PPM1L: variants seen among roughly 807,000 people sequenced by gnomAD.
The protein encoded by PPM1L is protein phosphatase 1L.
Under a neutral mutation model 31.4 loss-of-function variants are expected in PPM1L, and 13 were observed. The observed-to-expected ratio is 0.41, with a 90% CI of 0.27 to 0.66. The LOEUF (loss-of-function observed/expected upper bound fraction) is 0.66, where lower values mean the gene tolerates loss of function less well. PPM1L is among the 30% of genes least tolerant of loss of function. The pLI is 0.29. For missense variants in PPM1L, 326 were observed against 453.7 expected (o/e 0.72, Z 2.56); for synonymous variants, 184 against 175.4 (o/e 1.05, Z -0.39).
chr3:160,917,592 G>A (rs1471102910), intron 1 of PPM1L, among the ~76,000 whole-genome samples: 1 of 152,130 alleles, frequency 6.6e-6, no homozygotes, highest in Non-Finnish European at 1.5e-5. Context: ...TCATAAGACT[G>A]GTTATTTGTT....
At chr3:161,006,694 T>C (rs1460475754) in intron 2 of PPM1L, among the ~76,000 whole-genome samples, 1 of 148,506 alleles carries the variant, frequency 6.7e-6, no homozygotes, top group African/African-American at 2.5e-5. Context: ...TTTTTTTTTT[T>C]TTTTTTGAGA....
At chr3:160,913,724 A>G (rs1330348302) in intron 1 of PPM1L, among the ~76,000 whole-genome samples, 1 of 152,176 alleles carries the variant, frequency 6.6e-6, no homozygotes, top group Non-Finnish European at 1.5e-5. Flanking sequence ...GTCGTTTTAT[A>G]TGTCAGTAGT....
At chr3:160,815,791 G>C (rs764952472) in intron 1 of PPM1L, among the ~76,000 whole-genome samples, 2 of 152,084 alleles carry the variant, frequency 1.3e-5, no homozygotes, top group Non-Finnish European at 2.9e-5. Context: ...ATAGATTTTT[G>C]CCAACATAAA....
At position 160,911,971 on chromosome 3, in the gene PPM1L, G is replaced by A. The variant is rs183820654; in HGVS notation, c.400-49765G>A. 3.9e-5 allele frequency among the ~76,000 whole-genome samples: 6 copies of A among 152,334 alleles called. No homozygotes were observed. The East Asian group carries it at 7.7e-4, about 20-fold the overall frequency. On this transcript the variant is annotated intron_variant, in intron 1 of 3. Transcript: ENST00000498165. The stretch of plus-strand genomic sequence containing the variant: ...GCATTCAAGAGAGAAAACAAGAGAA[G>A]CTGGTAGAAAAGGCTTCTCAATTTG...
At chr3:160,769,635 T>C (rs1715196077) in intron 1 of PPM1L, among the ~76,000 whole-genome samples, 1 of 152,084 alleles carries the variant, frequency 6.6e-6, no homozygotes, top group African/African-American at 2.4e-5. Context: ...TTCTCTAATA[T>C]ATATCTGTAT....
chr3:160,842,864 CAGA>C (rs371578653), intron 1 of PPM1L, among the ~76,000 whole-genome samples: 14 of 152,162 alleles, frequency 9.2e-5, no homozygotes, highest in African/African-American at 3.4e-4. Flanking sequence ...CACTTTGAGA[CAGA>C]AGAAATGAGA....
intron 2 of PPM1L, among the ~76,000 whole-genome samples, chr3:161,015,312 G>A (rs1279639556): frequency 6.6e-6 from 1 of 152,180 alleles, no homozygotes; most frequent in Admixed American, 6.5e-5. Flanking sequence ...ATATGTGCAA[G>A]TTCTTCATAA....
chr3:160,920,588 C>CTT (rs1223100910), intron 1 of PPM1L, among the ~76,000 whole-genome samples: 1 of 12,206 alleles, frequency 8.2e-5, no homozygotes, highest in East Asian at 1.2e-3. Context: ...CATTTAGTTT[C>CTT]TCTCTCTCTC....
At chr3:161,013,914 G>C (rs999152207) in intron 2 of PPM1L, among the ~76,000 whole-genome samples, 1 of 151,982 alleles carries the variant, frequency 6.6e-6, no homozygotes, top group African/African-American at 2.4e-5. Flanking sequence ...GCCTATGTTT[G>C]TCTCTGCACA....
intron 1 of PPM1L, among the ~76,000 whole-genome samples, chr3:160,961,276 T>A (rs933043261): frequency 1.2e-4 from 19 of 152,148 alleles, no homozygotes; most frequent in African/African-American, 4.6e-4. Context: ...AAATTCACTT[T>A]ACAAGAGTTC....
chr3:161,027,762 G>T (rs1718449014), intron 2 of PPM1L, among the ~76,000 whole-genome samples: 2 of 152,158 alleles, frequency 1.3e-5, no homozygotes, highest in African/African-American at 4.8e-5. Context: ...AGCACCAAAA[G>T]TCCCTCCAGG....
chr3:160,976,225 C>A, intron 2 of PPM1L, among the ~76,000 whole-genome samples: 1 of 142,202 alleles, frequency 7.0e-6, no homozygotes, highest in East Asian at 2.1e-4. Flanking sequence ...GGATGAAGCC[C>A]ACTTGATCAT....
intron 1 of PPM1L, among the ~76,000 whole-genome samples, chr3:160,886,702 C>T (rs1039502439): frequency 1.3e-5 from 2 of 152,066 alleles, no homozygotes; most frequent in Non-Finnish European, 2.9e-5. Context: ...AAACCCCATT[C>T]AAGGGTCAGT....
At chr3:160,858,540 T>G (rs1050167897) in intron 1 of PPM1L, among the ~76,000 whole-genome samples, 4 of 152,330 alleles carry the variant, frequency 2.6e-5, no homozygotes, top group Admixed American at 2.6e-4. Flanking sequence ...GTGCAGTGAA[T>G]CACAATAAAT....
At chr3:160,834,808 A>G (rs759318702) in intron 1 of PPM1L, among the ~76,000 whole-genome samples, 15 of 152,070 alleles carry the variant, frequency 9.9e-5, no homozygotes, top group Non-Finnish European at 2.1e-4. Flanking sequence ...TGAATGTGCC[A>G]TAGTATGTTT....
intron 1 of PPM1L, among the ~76,000 whole-genome samples, chr3:160,943,160 T>G (rs904167284): frequency 1.3e-5 from 2 of 152,158 alleles, no homozygotes; most frequent in African/African-American, 4.8e-5. Context: ...ACCAAGAGCT[T>G]CTCACAGCGA....
intron 2 of PPM1L, among the ~76,000 whole-genome samples, chr3:160,991,764 A>G (rs971932927): frequency 6.6e-6 from 1 of 152,300 alleles, no homozygotes; most frequent in Non-Finnish European, 1.5e-5. Context: ...TCAACTGGAA[A>G]TTGACCAGCC....
chr3:160,838,888 T>C (rs1344255612), intron 1 of PPM1L, among the ~76,000 whole-genome samples: 2 of 152,220 alleles, frequency 1.3e-5, no homozygotes, highest in Non-Finnish European at 2.9e-5. Flanking sequence ...CCAAATATCA[T>C]GTATTGGAAA....
chr3:160,808,407 G>C, intron 1 of PPM1L, among the ~76,000 whole-genome samples: 1 of 149,384 alleles, frequency 6.7e-6, no homozygotes, highest in South Asian at 2.1e-4. Context: ...GTGTGTGTGT[G>C]TGTGTGTGTG....
Sources: allele counts gnomAD v4.1 joint callset (sites outside exome capture counted in the v4.1 genomes callset), GRCh38; gene constraint gnomAD v4.1.1; transcripts MANE v1.5; gene names NCBI Gene and HGNC (gene_info 2026-07-23, HGNC 2026-07-21).